CDC45: variants seen among roughly 807,000 people sequenced by gnomAD.
The protein encoded by CDC45 is cell division control protein 45 homolog.
Under a neutral mutation model 77.8 loss-of-function variants are expected in CDC45, and 54 were observed. The observed-to-expected ratio is 0.69, with a 90% CI of 0.56 to 0.87. The LOEUF (loss-of-function observed/expected upper bound fraction) is 0.87. Among genes scored for constraint, CDC45 ranks in the 40% least tolerant of loss-of-function variants. The probability of loss-of-function intolerance (pLI) is 0.00; values close to 1 mark genes in which losing one functional copy is unlikely to be tolerated. For synonymous variants in CDC45, 260 were observed against 272.1 expected, an observed-to-expected ratio of 0.96 and a Z score of 0.44; for missense variants, 649 against 721.6, an observed-to-expected ratio of 0.90 and a Z score of 1.15.
At chr22:19,516,416 G>A (rs1404988137) in intron 15 of CDC45, 111 bp from the exon 16 acceptor site, 10 of 867,390 alleles carry the variant, frequency 1.2e-5, no homozygotes, top group Admixed American at 1.9e-5. Context: ...TGGTGACAGC[G>A]TCCCTGGAGG....
chr22:19,516,307 A>C, intron 15 of CDC45: 1 of 565,628 alleles, frequency 1.8e-6, no homozygotes, highest in Non-Finnish European at 3.2e-6. Flanking sequence ...TGCTGTGGGT[A>C]CGGGAGGGCA....
At chr22:19,503,271 C>T (rs1932970702) in intron 9 of CDC45, among the ~76,000 whole-genome samples, 1 of 152,304 alleles carries the variant, frequency 6.6e-6, no homozygotes, top group East Asian at 1.9e-4. Flanking sequence ...ATGTACGTCT[C>T]TTGTCTTCCC....
At position 19,515,008 on chromosome 22, in the gene CDC45, G is replaced by A; in HGVS notation, c.1400G>A (p.Ser467Asn). The A allele has an allele frequency of 6.2e-7, 1 of 1,613,788 alleles. No homozygotes were observed. The highest frequency in any genetic ancestry group is 8.5e-7 in the Non-Finnish European group (1 of 1,179,768). Residue 467 changes from serine to asparagine, a missense_variant, in exon 15 of 19, where the codon AGC becomes AAC. Coordinates refer to ENST00000263201, the MANE Select transcript of CDC45 (RefSeq NM_003504.5). ...VMLFSRPASL[S>N]LLSKHLLKSF... The stretch of plus-strand genomic sequence containing the variant: ...CTGTTCTCTAGGCCGGCATCCCTAA[G>A]CCTGCTCAGCAAACACCTGCTCAAG...
At chr22:19,492,346 C>G (rs191840446) in intron 5 of CDC45, among the ~76,000 whole-genome samples, 10 of 152,026 alleles carry the variant, frequency 6.6e-5, no homozygotes, top group African/African-American at 1.9e-4. Context: ...ATTCTGCTCT[C>G]GAGCCTATTT....
In CDC45 at chr22:19,496,496, C is replaced by A. The variant is rs573123723; in HGVS notation, c.591+467C>A. ...TAGAAAATAAGTTTCAATAAAACATCCTGTATTTAGTCTTAGAATTTAATA... is the reference window on the plus strand; with the variant it reads ...TAGAAAATAAGTTTCAATAAAACATACTGTATTTAGTCTTAGAATTTAATA... On this transcript the variant is annotated intron_variant, in intron 7 of 18. Coordinates refer to ENST00000263201, the MANE Select transcript of CDC45 (RefSeq NM_003504.5). Among the ~76,000 whole-genome samples, 282 of 152,268 alleles carry A rather than the reference C, an allele frequency of 1.9e-3. 1 individual carries two copies. The highest frequency in any genetic ancestry group is 6.5e-3 in the African/African-American group (271 of 41,550).
intron 13 of CDC45, among the ~76,000 whole-genome samples, chr22:19,511,314 A>G (rs945035412): frequency 1.4e-5 from 2 of 145,744 alleles, no homozygotes; most frequent in Non-Finnish European, 3.0e-5. Flanking sequence ...AGAATTGTCT[A>G]TTCAAGTCCT....
At chr22:19,515,452 C>T (rs1016583432) in intron 15 of CDC45, among the ~76,000 whole-genome samples, 19 of 152,138 alleles carry the variant, frequency 1.2e-4, no homozygotes, top group African/African-American at 4.1e-4. Flanking sequence ...TTTGCGTTGG[C>T]GTGGAACACA....
At chr22:19,508,415 G>C (rs1933327426) in intron 12 of CDC45, 115 bp from the exon 13 acceptor site, 1 of 1,082,168 alleles carries the variant, frequency 9.2e-7, no homozygotes, top group Non-Finnish European at 1.4e-6. Context: ...CAGCATGGCT[G>C]TGCTGGAAGC....
intron 9 of CDC45, among the ~76,000 whole-genome samples, chr22:19,500,603 G>A (rs1343155685): frequency 6.6e-6 from 1 of 152,116 alleles, no homozygotes; most frequent in Non-Finnish European, 1.5e-5. Flanking sequence ...CTGCTCCGAA[G>A]GACCCCACGA....
rs1408853930 is a variant in CDC45 at position 19,506,238 on chromosome 22, C to T, written c.824+757C>T. On this transcript the variant is annotated intron_variant, in intron 10 of 18. Coordinates refer to ENST00000263201, the MANE Select transcript of CDC45 (RefSeq NM_003504.5). ...GGAGGAAGAGTGAGGGTGGACACGT[C>T]AGTAGTCAGGTGGCCATCGGAGCCT... 2.0e-5 allele frequency among the ~76,000 whole-genome samples: 3 copies of T among 152,086 alleles called. No individual in the cohort carries two copies. The East Asian group carries it at 5.8e-4, about 29-fold the overall frequency.
intron 9 of CDC45, among the ~76,000 whole-genome samples, chr22:19,504,072 G>T (rs548659431): frequency 1.3e-5 from 2 of 152,344 alleles, no homozygotes; most frequent in South Asian, 2.1e-4. Flanking sequence ...GCACCAAGCC[G>T]CAGGCAAGCA....
At chr22:19,481,123 T>C in intron 3 of CDC45, 78 bp downstream of exon 3, 2 of 923,820 alleles carry the variant, frequency 2.2e-6, no homozygotes, top group Non-Finnish European at 3.5e-6. Flanking sequence ...ATTTCCACGA[T>C]AGATTAAGCG....
intron 5 of CDC45, among the ~76,000 whole-genome samples, chr22:19,489,887 C>G (rs2090128592): frequency 6.6e-6 from 1 of 152,164 alleles, no homozygotes; most frequent in Admixed American, 6.6e-5. Flanking sequence ...ATTGAAGACC[C>G]CAACTCTGAT....
intron 8 of CDC45, among the ~76,000 whole-genome samples, chr22:19,497,903 A>C (rs2090271344): frequency 6.6e-6 from 1 of 152,138 alleles, no homozygotes; most frequent in Non-Finnish European, 1.5e-5. Flanking sequence ...TCTCAAAAAA[A>C]AAAATTGTCT....
intron 5 of CDC45, among the ~76,000 whole-genome samples, chr22:19,490,518 G>A (rs998431042): frequency 6.6e-6 from 1 of 152,034 alleles, no homozygotes; most frequent in Non-Finnish European, 1.5e-5. Context: ...GGGACTACAG[G>A]CACGTGCCAC....
At position 19,507,761 on chromosome 22, in the gene CDC45, T is replaced by A; in HGVS notation, c.957-5T>A. 1 of 1,588,702 alleles carries A rather than the reference T, an allele frequency of 6.3e-7. No homozygotes were observed. Among genetic ancestry groups the A allele is most frequent in the South Asian group, 1.1e-5 (1 of 87,058 alleles). ...ACTCATGTGGCTTGGGCTTGCTCTT[T>A]CCAGTCTTCCCCTGAAGCAGGTGAA... is the stretch of plus-strand genomic sequence containing the variant. On this transcript the variant is annotated splice_region_variant and splice_polypyrimidine_tract_variant and intron_variant, in intron 11 of 18. Transcript: ENST00000263201.
At chr22:19,503,446 C>A (rs1932979441) in intron 9 of CDC45, among the ~76,000 whole-genome samples, 1 of 152,200 alleles carries the variant, frequency 6.6e-6, no homozygotes, top group South Asian at 2.1e-4. Context: ...CAGCCCCCAG[C>A]ACCTTTGATC....
At chr22:19,483,824 A>G (rs1413150554) in intron 4 of CDC45, 38 bp from the exon 5 acceptor site, 1 of 1,588,060 alleles carries the variant, frequency 6.3e-7, no homozygotes, top group South Asian at 1.1e-5. Context: ...TTTCCGTAGA[A>G]AGAGGAGAGG....
chr22:19,504,426 A>G (rs1056947070), intron 9 of CDC45, among the ~76,000 whole-genome samples: 1 of 152,150 alleles, frequency 6.6e-6, no homozygotes, highest in Non-Finnish European at 1.5e-5. Flanking sequence ...CACCCTCCCA[A>G]GTAGCTGGGA....
Sources: allele counts gnomAD v4.1 joint callset (sites outside exome capture counted in the v4.1 genomes callset), GRCh38; gene constraint gnomAD v4.1.1; transcripts MANE v1.5; gene names NCBI Gene and HGNC (gene_info 2026-07-23, HGNC 2026-07-21).